MPP7: variants seen among roughly 807,000 people sequenced by gnomAD.
MPP7 encodes the protein MAGUK p55 subfamily member 7.
MPP7 carries 60 observed loss-of-function variants against 76.5 expected under a neutral mutation model. The ratio of observed to expected loss-of-function variants is 0.78; its 90% CI spans 0.64 to 0.97. MPP7 has a LOEUF of 0.97. Ranked by LOEUF, MPP7 falls within the 50% of genes least tolerant of loss-of-function variation. The pLI is 0.00. For missense variants in MPP7, 641 were observed against 694.0 expected (o/e 0.92, Z 0.86); for synonymous variants, 237 against 244.5 (o/e 0.97, Z 0.29).
At chr10:28,057,763 G>T in intron 15 of MPP7, 1 of 1,288,446 alleles carries the variant, frequency 7.8e-7, no homozygotes, top group Non-Finnish European at 1.0e-6. Context: ...TCCTTTAGAG[G>T]TCCAAAGGGC....
At chr10:28,109,093 G>C (rs1436090912) in intron 11 of MPP7, among the ~76,000 whole-genome samples, 2 of 152,174 alleles carry the variant, frequency 1.3e-5, no homozygotes, top group Non-Finnish European at 2.9e-5. Context: ...TTTGAGACCA[G>C]CCTGGCCAAC....
At chr10:28,221,980 G>A (rs1328058643) in intron 2 of MPP7, among the ~76,000 whole-genome samples, 1 of 152,076 alleles carries the variant, frequency 6.6e-6, no homozygotes, top group Non-Finnish European at 1.5e-5. Context: ...TATTGGAACT[G>A]CTTACTATCC....
At chr10:28,161,560 A>G (rs1274481930) in intron 3 of MPP7, among the ~76,000 whole-genome samples, 2 of 152,138 alleles carry the variant, frequency 1.3e-5, no homozygotes, top group Admixed American at 6.5e-5. Flanking sequence ...ACTTGTAATC[A>G]TTTTGCATGT....
chr10:28,333,913 C>T (rs923179964), intron 1 of MPP7, among the ~76,000 whole-genome samples: 1 of 152,142 alleles, frequency 6.6e-6, no homozygotes, highest in Non-Finnish European at 1.5e-5. Flanking sequence ...GCCAAGGGGG[C>T]CGGCTGCGGT....
chr10:28,118,546 T>C, intron 11 of MPP7: 1 of 985,426 alleles, frequency 1.0e-6, no homozygotes, highest in African/African-American at 1.7e-5. Flanking sequence ...CTCCTTTCTG[T>C]TAGTGAGTTG....
At chr10:28,238,443 C>T (rs1163535330) in intron 2 of MPP7, 125 bp downstream of exon 2, 4 of 978,840 alleles carry the variant, frequency 4.1e-6, no homozygotes, top group East Asian at 2.4e-5. Context: ...GATCTTATGT[C>T]CCTAGTGTTG....
Position 28,314,984 on chromosome 10 carries a change from C to T in MPP7, c.-132+14945G>A, listed in dbSNP as rs779429975. 2.0e-5 allele frequency among the ~76,000 whole-genome samples: 3 copies of T among 151,874 alleles called. No individual in the cohort carries two copies. The East Asian group carries it at 5.8e-4, about 29-fold the overall frequency. ...GCAACATAGCAAGACCCAATATCTA[C>T]AAAAAATATAAAAATTAGCCAGGTG... On this transcript the variant is annotated intron_variant, in intron 2 of 11. Coordinates refer to the MPP7 transcript ENST00000441595.
rs180952886 is a variant in MPP7 at position 28,333,829 on chromosome 10, C to A, written c.-206+589G>T. On this transcript the variant is annotated intron_variant, in intron 1 of 11. Coordinates refer to the MPP7 transcript ENST00000441595. ...AAAGCAGAGGTTTCCTCCCAAACAT[C>A]CAAACCCAGATGTAGATGAAAAATT... Among the ~76,000 whole-genome samples the A allele has an allele frequency of 1.8e-4, 28 of 152,286 alleles. No homozygotes were observed. The East Asian group carries it at 5.4e-3, about 29-fold the overall frequency.
chr10:28,259,347 G>A (rs1229684449), intron 1 of MPP7, among the ~76,000 whole-genome samples: 1 of 152,124 alleles, frequency 6.6e-6, no homozygotes, highest in East Asian at 1.9e-4. Context: ...GGGAGGTCTA[G>A]GCCAGCGGAT....
chr10:28,334,917 G>A (rs922873860), upstream of MPP7, among the ~76,000 whole-genome samples: 2 of 152,192 alleles, frequency 1.3e-5, no homozygotes, highest in East Asian at 3.8e-4. Context: ...CTTAACACAA[G>A]CAACACGTTT....
intron 13 of MPP7, among the ~76,000 whole-genome samples, chr10:28,060,832 C>T (rs916147376): frequency 4.6e-5 from 7 of 152,202 alleles, no homozygotes; most frequent in South Asian, 2.1e-4. Context: ...CAAACCAGCA[C>T]GGCAAAGGCC....
At chr10:28,316,216 C>T (rs1006800416) in intron 2 of MPP7, among the ~76,000 whole-genome samples, 1 of 151,978 alleles carries the variant, frequency 6.6e-6, no homozygotes, top group Non-Finnish European at 1.5e-5. Context: ...GCAGGTAGAT[C>T]ACTTGAGGTC....
chr10:28,245,421 G>A (rs914849081), intron 1 of MPP7, among the ~76,000 whole-genome samples: 2 of 151,820 alleles, frequency 1.3e-5, no homozygotes, highest in Non-Finnish European at 2.9e-5. Context: ...ATAATGATCC[G>A]CTGTCTTTCC....
In MPP7 at chr10:28,135,524, G is replaced by A. The variant is rs570625364; in HGVS notation, c.316-3833C>T. Among the ~76,000 whole-genome samples the A allele has an allele frequency of 6.8e-4, 104 of 152,178 alleles. 1 individual carries two copies. The highest frequency in any genetic ancestry group is 2.4e-3 in the African/African-American group (101 of 41,514). On this transcript the variant is annotated intron_variant, in intron 5 of 16. Coordinates refer to ENST00000683449, the MANE Select transcript of MPP7 (RefSeq NM_001318170.2). ...CTCCTAAACATTTGGTCATATACAG[G>A]GCAGTCCCCTAAACTCCAGAAATAA...
At chr10:28,120,799 A>G (rs563624292) in intron 8 of MPP7, 131 bp from the exon 9 acceptor site, 1 of 589,042 alleles carries the variant, frequency 1.7e-6, no homozygotes, top group Non-Finnish European at 2.9e-6. Context: ...GACTAAACGG[A>G]GGAAACTATT....
chr10:28,113,284 T>C (rs374890782), intron 11 of MPP7, among the ~76,000 whole-genome samples: 1 of 152,074 alleles, frequency 6.6e-6, no homozygotes, highest in East Asian at 1.9e-4. Context: ...ACTGGTTGAG[T>C]CTGCATCCCA....
chr10:28,196,049 A>G (rs1423842866), intron 3 of MPP7, among the ~76,000 whole-genome samples: 3 of 152,226 alleles, frequency 2.0e-5, no homozygotes, highest in Non-Finnish European at 2.9e-5. Context: ...CAAATATTGC[A>G]TGGTTCACAC....
chr10:28,274,513 T>G (rs1483324491), intron 1 of MPP7, among the ~76,000 whole-genome samples: 2 of 152,022 alleles, frequency 1.3e-5, no homozygotes, highest in Non-Finnish European at 2.9e-5. Flanking sequence ...ACAAAATAAA[T>G]AATATAGTTT....
At chr10:28,331,725 C>A (rs148752425) in intron 1 of MPP7, among the ~76,000 whole-genome samples, 1,532 of 152,144 alleles carry the variant, frequency 0.01, 25 homozygotes, top group African/African-American at 0.036. Flanking sequence ...CAGGTGCACA[C>A]CACCATGCCC....
Sources: allele counts gnomAD v4.1 joint callset (sites outside exome capture counted in the v4.1 genomes callset), GRCh38; gene constraint gnomAD v4.1.1; transcripts MANE v1.5; gene names NCBI Gene and HGNC (gene_info 2026-07-23, HGNC 2026-07-21).